GPCPD1: variants seen among roughly 807,000 people sequenced by gnomAD.
GPCPD1 encodes the protein glycerophosphocholine phosphodiesterase GPCPD1.
GPCPD1 carries 29 observed loss-of-function variants against 89.2 expected under a neutral mutation model. That is an observed-to-expected ratio of 0.33 (90% CI 0.24 to 0.44). GPCPD1 has a LOEUF of 0.44. Ranked by LOEUF, GPCPD1 falls within the 20% of genes least tolerant of loss-of-function variation. The pLI is 1.00. For synonymous variants in GPCPD1, 258 were observed against 266.3 expected, an observed-to-expected ratio of 0.97 and a Z score of 0.30; for missense variants, 594 against 808.9, an observed-to-expected ratio of 0.73 and a Z score of 3.22.
intron 15 of GPCPD1, among the ~76,000 whole-genome samples, chr20:5,564,391 C>A (rs1986257606): frequency 6.6e-6 from 1 of 151,284 alleles, no homozygotes; most frequent in Admixed American, 6.6e-5. Context: ...TATACCTGTG[C>A]CCTCTCCTTC....
rs181813690 is a variant in GPCPD1, at chr20:5,562,990, T to C, written c.1330-1460A>G. On this transcript the variant is annotated intron_variant, in intron 15 of 19. Coordinates refer to ENST00000379019, the MANE Select transcript of GPCPD1 (RefSeq NM_019593.5). ...ATTATTTTGGCGTTAAAATTTCTTTTTTTTTTTTTTGAGACGGAGTCTCGC... is the reference window on the plus strand; with the variant it reads ...ATTATTTTGGCGTTAAAATTTCTTTCTTTTTTTTTTGAGACGGAGTCTCGC... Among the ~76,000 whole-genome samples the C allele has an allele frequency of 2.9e-4, 44 of 151,998 alleles. No homozygotes were observed. The East Asian group carries it at 8.1e-3, about 28-fold the overall frequency.
chr20:5,603,770 G>A (rs1980350539), intron 2 of GPCPD1, among the ~76,000 whole-genome samples: 1 of 144,436 alleles, frequency 6.9e-6, no homozygotes, highest in Non-Finnish European at 1.5e-5. Flanking sequence ...TTTTTGAGAC[G>A]GATTCTGGCT....
intron 15 of GPCPD1, among the ~76,000 whole-genome samples, chr20:5,564,432 T>C (rs1986261070): frequency 6.6e-6 from 1 of 152,146 alleles, no homozygotes; most frequent in Non-Finnish European, 1.5e-5. Flanking sequence ...ATGGATTTGC[T>C]ACTCTTACCA....
chr20:5,547,889 A>T, intron 19 of GPCPD1, 39 bp from the exon 20 acceptor site: 2 of 1,159,860 alleles, frequency 1.7e-6, no homozygotes, highest in Non-Finnish European at 2.5e-6. Flanking sequence ...AAATACTGTA[A>T]TTTTATGGTT....
intron 11 of GPCPD1, among the ~76,000 whole-genome samples, chr20:5,570,913 A>G (rs1472237171): frequency 1.3e-5 from 2 of 152,240 alleles, no homozygotes; most frequent in East Asian, 3.8e-4. Context: ...AAATTAATTT[A>G]AAGAAAAAAA....
intron 8 of GPCPD1, among the ~76,000 whole-genome samples, chr20:5,577,311 G>A (rs1215238871): frequency 1.3e-5 from 2 of 151,346 alleles, no homozygotes; most frequent in South Asian, 2.1e-4. Context: ...ATGAGCCACC[G>A]CGCCCGGCCA....
rs532271500 is a variant in GPCPD1 at position 5,565,184 on chromosome 20, G to T, written c.1268-106C>A. 1.1e-4 allele frequency: 78 copies of T among 693,790 alleles called. No individual in the cohort carries two copies. In the African/African-American group the frequency reaches 1.2e-3, roughly 11 times the overall value. The allele number at this position is 693,790 out of a possible 1,614,324, so 43.0% of individuals were successfully genotyped here. Reference sequence around the variant, plus strand: ...AAAAACAGGGAAAGAGAGAGAGAGTGTGTGTGTGAGCAAGCGCGAGAGCAT... The same window carrying T: ...AAAAACAGGGAAAGAGAGAGAGAGTTTGTGTGTGAGCAAGCGCGAGAGCAT... On this transcript the variant is annotated intron_variant, in intron 14 of 19. Coordinates refer to ENST00000379019, the MANE Select transcript of GPCPD1 (RefSeq NM_019593.5).
At chr20:5,557,704 C>T (rs1458207604) in intron 19 of GPCPD1, among the ~76,000 whole-genome samples, 2 of 152,186 alleles carry the variant, frequency 1.3e-5, no homozygotes, top group African/African-American at 4.8e-5. Context: ...CAGTCACCCT[C>T]ACCCCCAGGG....
intron 3 of GPCPD1, among the ~76,000 whole-genome samples, chr20:5,596,262 T>C (rs1979716719): frequency 6.6e-6 from 1 of 152,040 alleles, no homozygotes. Context: ...GAGCTGGGCA[T>C]GATGGTGTAC....
At chr20:5,576,007 A>T (rs1244635883) in intron 8 of GPCPD1, 29 bp from the exon 9 acceptor site, 6 of 1,405,168 alleles carry the variant, frequency 4.3e-6, no homozygotes, top group Non-Finnish European at 6.0e-6. Flanking sequence ...AAATAATCTT[A>T]ATTTTTAAAC....
At chr20:5,581,733 AAAAT>A (rs933946367) in intron 6 of GPCPD1, among the ~76,000 whole-genome samples, 69 of 152,116 alleles carry the variant, frequency 4.5e-4, no homozygotes, top group African/African-American at 1.6e-3. Context: ...CAACAGAGTC[AAAAT>A]AAATAAATAC....
chr20:5,561,615 AAAT>A lies in GPCPD1; in HGVS notation c.1330-88_1330-86del, dbSNP rs891587175. On this transcript the variant is annotated intron_variant, in intron 15 of 19. Transcript: ENST00000379019. ...ACAAAAAAAATACAATTATTACTAAAAATAATAAGAATTTATCATTAGTAGCAA... is the reference window on the plus strand; with the variant it reads ...ACAAAAAAAATACAATTATTACTAAAAATAAGAATTTATCATTAGTAGCAA... The A allele has an allele frequency of 7.1e-5, 45 of 638,170 alleles. No individual in the cohort carries two copies. In the Middle Eastern group the frequency reaches 1.6e-3, roughly 22 times the overall value. 39.5% of individuals were successfully genotyped at this position (638,170 alleles called of 1,614,324 possible).
intron 4 of GPCPD1, among the ~76,000 whole-genome samples, chr20:5,591,310 G>C (rs1311903353): frequency 7.9e-5 from 12 of 152,296 alleles, no homozygotes; most frequent in Non-Finnish European, 2.9e-5. Flanking sequence ...AGAAAAAGCA[G>C]TGCATGGAAG....
intron 4 of GPCPD1, among the ~76,000 whole-genome samples, chr20:5,588,837 G>GA (rs528769967): frequency 8.9e-4 from 126 of 142,206 alleles, no homozygotes; most frequent in Admixed American, 2.2e-3. Flanking sequence ...AAAAGAAAAA[G>GA]AAAAAAAAAA....
At chr20:5,548,545 T>C (rs1210693622) in intron 19 of GPCPD1, among the ~76,000 whole-genome samples, 3 of 152,178 alleles carry the variant, frequency 2.0e-5, no homozygotes, top group Admixed American at 6.5e-5. Flanking sequence ...TAAAGACATA[T>C]CTAAGAGAAT....
At chr20:5,605,495 G>A (rs1417873472) in intron 1 of GPCPD1, among the ~76,000 whole-genome samples, 1 of 151,378 alleles carries the variant, frequency 6.6e-6, no homozygotes, top group African/African-American at 2.4e-5. Context: ...AAGAAAAGAA[G>A]GAGTCCAGGC....
At chr20:5,561,646 A>T in intron 15 of GPCPD1, 116 bp from the exon 16 acceptor site, 1 of 585,466 alleles carries the variant, frequency 1.7e-6, no homozygotes, top group Non-Finnish European at 3.0e-6. Flanking sequence ...AGTAGCAATA[A>T]AATGTTTTGT....
At chr20:5,569,856 CT>C (rs1986607058) in intron 12 of GPCPD1, among the ~76,000 whole-genome samples, 1 of 152,056 alleles carries the variant, frequency 6.6e-6, no homozygotes, top group Non-Finnish European at 1.5e-5. Flanking sequence ...CCTCTCTTGC[CT>C]CAATATAGTA....
At position 5,562,341 on chromosome 20, in the gene GPCPD1, G is replaced by A. The variant is rs528746339; in HGVS notation, c.1330-811C>T. Among the ~76,000 whole-genome samples the A allele has an allele frequency of 3.2e-4, 49 of 152,294 alleles. No homozygotes were observed. The South Asian group carries it at 1.0e-2, about 31-fold the overall frequency. On this transcript the variant is annotated intron_variant, in intron 15 of 19. Transcript: ENST00000379019. ...TCTGTCACCCAGGCTGGAGCACAGTGGCACAATCTCAGTTCACTGCAACCT... is the reference window on the plus strand; with the variant it reads ...TCTGTCACCCAGGCTGGAGCACAGTAGCACAATCTCAGTTCACTGCAACCT...
Sources: gnomAD v4.1 joint callset for allele counts (sites outside exome capture counted in the v4.1 genomes callset) on GRCh38, gnomAD v4.1.1 for gene constraint, MANE v1.5 for transcripts, NCBI Gene and HGNC (gene_info 2026-07-23, HGNC 2026-07-21) for gene names.